The following PPHLN1 variants were observed in gnomAD, a reference collection of about 807,000 sequenced individuals.
PPHLN1 encodes the protein periphilin-1.
PPHLN1 carries 29 observed loss-of-function variants against 51.3 expected under a neutral mutation model. The observed-to-expected ratio is 0.57, with a 90% CI of 0.42 to 0.77. PPHLN1 has a LOEUF of 0.77. Among genes scored for constraint, PPHLN1 ranks in the 30% least tolerant of loss-of-function variants. The pLI is 0.00. For synonymous variants in PPHLN1, 147 were observed against 147.8 expected, an observed-to-expected ratio of 0.99 and a Z score of 0.04; for missense variants, 436 against 438.4, an observed-to-expected ratio of 0.99 and a Z score of 0.05.
At chr12:42,371,357 G>A (rs2075789955) in intron 4 of PPHLN1, among the ~76,000 whole-genome samples, 1 of 151,924 alleles carries the variant, frequency 6.6e-6, no homozygotes, top group Non-Finnish European at 1.5e-5. Context: ...GGCTCAAGCA[G>A]TCTTCCCACC....
At position 42,409,007 on chromosome 12, in the gene PPHLN1, G is replaced by A. The variant is rs184209997; in HGVS notation, c.909+10013G>A. ...AGATAAAGTTTAATTTATAAATTAG[G>A]CACAGTAAGAGATTAACAACAATAA... On this transcript the variant is annotated intron_variant, in intron 9 of 9. Transcript: ENST00000358314. Among the ~76,000 whole-genome samples the A allele has an allele frequency of 3.6e-3, 550 of 152,142 alleles. 5 individuals carry two copies. The highest frequency in any genetic ancestry group is 0.013 in the African/African-American group (533 of 41,516).
downstream of PPHLN1, chr12:42,442,734 C>T (rs1379535203): frequency 1.2e-6 from 2 of 1,613,422 alleles, no homozygotes; most frequent in East Asian, 2.2e-5. Context: ...GAAGAGACTG[C>T]GCAGTCAGTA....
At chr12:42,371,786 T>G (rs1483011863) in intron 4 of PPHLN1, among the ~76,000 whole-genome samples, 1 of 152,236 alleles carries the variant, frequency 6.6e-6, no homozygotes, top group Non-Finnish European at 1.5e-5. Flanking sequence ...ATTTTTTTAA[T>G]GCCAATTACA....
At chr12:42,429,588 C>T (rs1250928002) in intron 9 of PPHLN1, among the ~76,000 whole-genome samples, 2 of 152,088 alleles carry the variant, frequency 1.3e-5, no homozygotes, top group Non-Finnish European at 2.9e-5. Context: ...TGGCATTTAC[C>T]ATATTCTGCC....
chr12:42,374,034 A>C (rs1200870811), intron 4 of PPHLN1, among the ~76,000 whole-genome samples: 3 of 152,148 alleles, frequency 2.0e-5, no homozygotes, highest in African/African-American at 7.2e-5. Context: ...TCTCCTCCCC[A>C]GTTATGATAA....
At chr12:42,335,512 G>A (rs975099356) in intron 1 of PPHLN1, among the ~76,000 whole-genome samples, 1 of 152,000 alleles carries the variant, frequency 6.6e-6, no homozygotes, top group Non-Finnish European at 1.5e-5. Context: ...TAACTTTGCC[G>A]ATCAGCCATT....
intron 9 of PPHLN1, among the ~76,000 whole-genome samples, chr12:42,420,470 A>ATT (rs534730099): frequency 3.5e-5 from 5 of 142,618 alleles, no homozygotes; most frequent in Admixed American, 7.0e-5. Flanking sequence ...TCTCTAAATG[A>ATT]TTTTTTTTTT....
intron 9 of PPHLN1, among the ~76,000 whole-genome samples, chr12:42,439,254 A>T (rs549829368): frequency 7.0e-4 from 106 of 152,318 alleles, no homozygotes; most frequent in African/African-American, 2.5e-3. Context: ...TTTATTTTGC[A>T]TGTAGATAGA....
chr12:42,348,821 T>TC (rs2072764328), intron 2 of PPHLN1, among the ~76,000 whole-genome samples: 1 of 149,776 alleles, frequency 6.7e-6, no homozygotes, highest in Non-Finnish European at 1.5e-5. Context: ...AATGTCAGTT[T>TC]TTTTTTTGGG....
intron 9 of PPHLN1, among the ~76,000 whole-genome samples, chr12:42,403,716 T>C (rs2079038155): frequency 6.6e-6 from 1 of 152,220 alleles, no homozygotes; most frequent in African/African-American, 2.4e-5. Flanking sequence ...GATGAGGCCA[T>C]CTTGCACCTT....
chr12:42,329,728 TAAG>T (rs1471022082), intron 1 of PPHLN1: 3 of 152,098 alleles, frequency 2.0e-5, no homozygotes, highest in East Asian at 1.9e-4. Flanking sequence ...TAAGTGACAT[TAAG>T]AAGGTGACAT....
At chr12:42,415,093 T>C (rs545934174) in intron 9 of PPHLN1, among the ~76,000 whole-genome samples, 49 of 152,228 alleles carry the variant, frequency 3.2e-4, no homozygotes, top group Non-Finnish European at 5.7e-4. Context: ...CGTGGACCTA[T>C]GCTTACAAAT....
At chr12:42,417,058 G>A (rs1304295953) in intron 9 of PPHLN1, among the ~76,000 whole-genome samples, 5 of 152,178 alleles carry the variant, frequency 3.3e-5, no homozygotes, top group Admixed American at 3.3e-4. Context: ...TACTTTTTGA[G>A]GGAGGGATAA....
At chr12:42,393,010 A>G (rs564079933) in intron 7 of PPHLN1, among the ~76,000 whole-genome samples, 13 of 152,348 alleles carry the variant, frequency 8.5e-5, no homozygotes, top group African/African-American at 2.9e-4. Flanking sequence ...AGGTCTGTAT[A>G]TAACTGCAAA....
intron 9 of PPHLN1, chr12:42,432,072 C>T (rs2082084425): frequency 1.8e-5 from 28 of 1,570,358 alleles, no homozygotes; most frequent in Non-Finnish European, 2.5e-5. Context: ...ACGTGGTCCA[C>T]CACGACCTCG....
rs530438203 is a variant in PPHLN1 at position 42,342,318 on chromosome 12, A to G, written c.72+6344A>G. ...TCATCCAGCTGAAGTGCAGTGGAGC[A>G]GCCACAGCTCACTGCAGCCTCAGAC... On this transcript the variant is annotated intron_variant, in intron 2 of 9. Coordinates refer to ENST00000358314, the MANE Select transcript of PPHLN1 (RefSeq NM_201439.2). Among the ~76,000 whole-genome samples, 6 of 152,292 alleles carry G rather than the reference A, an allele frequency of 3.9e-5. No individual in the cohort carries two copies. In the East Asian group the frequency reaches 1.2e-3, roughly 29 times the overall value.
chr12:42,386,567 C>T (rs960156850), intron 6 of PPHLN1, among the ~76,000 whole-genome samples: 2 of 152,174 alleles, frequency 1.3e-5, no homozygotes, highest in African/African-American at 2.4e-5. Flanking sequence ...TGTCCAGTCT[C>T]GACCAGCTTC....
intron 9 of PPHLN1, among the ~76,000 whole-genome samples, chr12:42,437,161 G>A (rs1252918053): frequency 1.3e-5 from 2 of 152,104 alleles, no homozygotes; most frequent in African/African-American, 2.4e-5. Flanking sequence ...TCATGATCTC[G>A]TTTCAGGGTG....
intron 4 of PPHLN1, among the ~76,000 whole-genome samples, chr12:42,362,177 A>G (rs983158581): frequency 4.0e-5 from 6 of 151,826 alleles, no homozygotes; most frequent in African/African-American, 7.3e-5. Flanking sequence ...CTTATTGTTC[A>G]TTTGTATATC....
Sources: allele counts gnomAD v4.1 joint callset (sites outside exome capture counted in the v4.1 genomes callset), GRCh38; gene constraint gnomAD v4.1.1; transcripts MANE v1.5; gene names NCBI Gene and HGNC (gene_info 2026-07-23, HGNC 2026-07-21).